The following NDRG3 variants were observed in gnomAD, a reference collection of about 807,000 sequenced individuals.
The protein encoded by NDRG3 is NDRG family member 3.
A neutral mutation model predicts 57.2 loss-of-function variants in NDRG3; 23 were observed. The ratio of observed to expected loss-of-function variants is 0.40; its 90% CI spans 0.29 to 0.57. The LOEUF (loss-of-function observed/expected upper bound fraction) is 0.57, where lower values mean the gene tolerates loss of function less well. Ranked by LOEUF, NDRG3 falls within the 20% of genes least tolerant of loss-of-function variation. The pLI is 0.42. For missense variants in NDRG3, 384 were observed against 457.3 expected, an observed-to-expected ratio of 0.84 and a Z score of 1.46; for synonymous variants, 132 against 162.6, an observed-to-expected ratio of 0.81 and a Z score of 1.43.
At chr20:36,659,113 T>G (rs1329548469) in intron 13 of NDRG3, among the ~76,000 whole-genome samples, 1 of 152,032 alleles carries the variant, frequency 6.6e-6, no homozygotes, top group Non-Finnish European at 1.5e-5. Flanking sequence ...CAAGCCCAGC[T>G]AATTTTCTTA....
intron 3 of NDRG3, among the ~76,000 whole-genome samples, chr20:36,698,079 C>T (rs759573862): frequency 6.6e-6 from 1 of 150,860 alleles, no homozygotes; most frequent in Non-Finnish European, 1.5e-5. Flanking sequence ...GATTTTCCTG[C>T]CTTGGCCTCC....
intron 3 of NDRG3, among the ~76,000 whole-genome samples, chr20:36,691,313 TTC>T (rs753422022): frequency 3.9e-5 from 6 of 152,208 alleles, no homozygotes; most frequent in Non-Finnish European, 7.3e-5. Context: ...GACTCAATAT[TTC>T]TGTTATTTTC....
At position 36,714,443 on chromosome 20, in the gene NDRG3, CTTT is replaced by C. The variant is rs775474273; in HGVS notation, c.57+7233_57+7235del. 1.1e-3 allele frequency among the ~76,000 whole-genome samples: 132 copies of C among 124,792 alleles called. 2 individuals are homozygous for C. In the East Asian group the frequency reaches 0.031, roughly 29 times the overall value. 81.9% of individuals were successfully genotyped at this position (124,792 alleles called of 152,430 possible). A position where few individuals can be genotyped will look rare whatever the true frequency, so the allele number is the denominator to read the frequency against. On this transcript the variant is annotated intron_variant, in intron 2 of 15. Transcript: ENST00000349004. ...AAAATCTTCAGCAAATCATTTTCTTCTTTTTTTTTTTTTTTTAGACAGAGTTTC... is the reference window on the plus strand; with the variant it reads ...AAAATCTTCAGCAAATCATTTTCTTCTTTTTTTTTTTTTAGACAGAGTTTC...
chr20:36,659,651 A>G (rs1978982417), intron 13 of NDRG3, among the ~76,000 whole-genome samples: 1 of 151,960 alleles, frequency 6.6e-6, no homozygotes, highest in African/African-American at 2.4e-5. Context: ...CCCAGGCTAG[A>G]GTGCAGTGGT....
intron 3 of NDRG3, among the ~76,000 whole-genome samples, chr20:36,696,036 A>G (rs957887935): frequency 6.6e-6 from 1 of 152,224 alleles, no homozygotes; most frequent in African/African-American, 2.4e-5. Context: ...CACTTAGGGA[A>G]AATAGAAAAG....
chr20:36,679,854 T>G (rs1981100396), intron 8 of NDRG3, among the ~76,000 whole-genome samples: 1 of 150,402 alleles, frequency 6.6e-6, no homozygotes. Context: ...GATGGAGTTT[T>G]GCTCTTGTTG....
intron 2 of NDRG3, among the ~76,000 whole-genome samples, chr20:36,707,416 G>A (rs576770044): frequency 1.3e-5 from 2 of 152,146 alleles, no homozygotes; most frequent in Non-Finnish European, 2.9e-5. Context: ...AAAGGTGAAG[G>A]AGAACAGGTG....
intron 1 of NDRG3, among the ~76,000 whole-genome samples, chr20:36,729,439 G>A (rs922949049): frequency 6.6e-6 from 1 of 152,138 alleles, no homozygotes; most frequent in South Asian, 2.1e-4. Flanking sequence ...TTTAAGTGAT[G>A]AGAGTCTAAC....
chr20:36,658,625 G>C (rs749879116), intron 13 of NDRG3, among the ~76,000 whole-genome samples: 1 of 152,134 alleles, frequency 6.6e-6, no homozygotes, highest in Non-Finnish European at 1.5e-5. Context: ...ACATACGATC[G>C]GCATTGAAAT....
chr20:36,688,823 T>C, intron 3 of NDRG3, 39 bp from the exon 4 acceptor site: 3 of 1,512,106 alleles, frequency 2.0e-6, no homozygotes, highest in South Asian at 1.1e-5. Context: ...AAAAGCAGAA[T>C]GAACTTCCCA....
At chr20:36,654,413 G>A (rs916911274) in intron 15 of NDRG3, among the ~76,000 whole-genome samples, 2 of 152,168 alleles carry the variant, frequency 1.3e-5, no homozygotes, top group Non-Finnish European at 1.5e-5. Context: ...TTTCAATGCT[G>A]GGGTCAAAAG....
At chr20:36,658,448 C>G (rs142591289) in intron 13 of NDRG3, among the ~76,000 whole-genome samples, 1 of 152,282 alleles carries the variant, frequency 6.6e-6, no homozygotes, top group African/African-American at 2.4e-5. Context: ...CCATCAATTG[C>G]CTGGAGGGCA....
intron 2 of NDRG3, among the ~76,000 whole-genome samples, chr20:36,721,312 C>T (rs999026256): frequency 2.0e-5 from 3 of 151,612 alleles, no homozygotes; most frequent in African/African-American, 7.3e-5. Context: ...GGGAGGATCA[C>T]GAGGTCAGGA....
chr20:36,733,016 G>A (rs539724863), intron 1 of NDRG3, among the ~76,000 whole-genome samples: 121 of 150,940 alleles, frequency 8.0e-4, no homozygotes, highest in Non-Finnish European at 1.3e-3. Flanking sequence ...GTGTGATGAC[G>A]TGTGCCTGTA....
At chr20:36,715,545 C>A (rs1342725809) in intron 2 of NDRG3, among the ~76,000 whole-genome samples, 1 of 150,660 alleles carries the variant, frequency 6.6e-6, no homozygotes, top group Non-Finnish European at 1.5e-5. Context: ...GAGCTGGGTG[C>A]GGTAGCTCAT....
At chr20:36,679,170 G>C (rs932375592) in intron 8 of NDRG3, among the ~76,000 whole-genome samples, 30 of 152,176 alleles carry the variant, frequency 2.0e-4, no homozygotes, top group African/African-American at 7.2e-4. Flanking sequence ...TGTTGGCCTG[G>C]CTAGTCTTGA....
At chr20:36,669,374 C>CAT (rs1979935918) in intron 9 of NDRG3, among the ~76,000 whole-genome samples, 1 of 174 alleles carries the variant, frequency 5.7e-3, no homozygotes, top group African/African-American at 0.011. Context: ...GTACTACAGG[C>CAT]GCGTGCACCA....
chr20:36,682,227 T>C (rs1200315045), intron 7 of NDRG3, among the ~76,000 whole-genome samples: 2 of 152,218 alleles, frequency 1.3e-5, no homozygotes, highest in Admixed American at 6.5e-5. Context: ...ATGCAAACCA[T>C]GTATCATTAT....
intron 1 of NDRG3, among the ~76,000 whole-genome samples, chr20:36,738,142 A>G (rs1433456228): frequency 6.6e-6 from 1 of 152,088 alleles, no homozygotes; most frequent in African/African-American, 2.4e-5. Flanking sequence ...TGAGACTTGT[A>G]CCTACCTGGG....
Sources: gnomAD v4.1 joint callset for allele counts (sites outside exome capture counted in the v4.1 genomes callset) on GRCh38, gnomAD v4.1.1 for gene constraint, MANE v1.5 for transcripts, NCBI Gene and HGNC (gene_info 2026-07-23, HGNC 2026-07-21) for gene names.